LMBR1: variants seen among roughly 807,000 people sequenced by gnomAD.
LMBR1 encodes the protein limb region 1 protein homolog.
Under a neutral mutation model 73.9 loss-of-function variants are expected in LMBR1, and 52 were observed. The observed-to-expected ratio is 0.70, with a 90% CI of 0.56 to 0.89. LMBR1 has a LOEUF of 0.89. LMBR1 is among the 40% of genes least tolerant of loss of function. The pLI, the probability that LMBR1 is intolerant of heterozygous loss-of-function variation, is 0.00. For missense variants in LMBR1, 539 were observed against 579.8 expected (o/e 0.93, Z 0.72); for synonymous variants, 215 against 209.4 (o/e 1.03, Z -0.23).
At position 156,839,269 on chromosome 7, in the gene LMBR1, G is replaced by A. The variant is rs191970733; in HGVS notation, c.67-2384C>T. On this transcript the variant is annotated intron_variant, in intron 1 of 16. Transcript: ENST00000353442. ...TCACCATGTTGGTCAGGCTGGTCTC[G>A]AACTCCTGACCACAGGTGATCCACC... Among the ~76,000 whole-genome samples the A allele has an allele frequency of 2.7e-4, 41 of 151,888 alleles. No homozygotes were observed. In the South Asian group the frequency reaches 6.5e-3, roughly 24 times the overall value.
chr7:156,787,975 C>A (rs1828457995), intron 5 of LMBR1, among the ~76,000 whole-genome samples: 1 of 152,226 alleles, frequency 6.6e-6, no homozygotes, highest in Non-Finnish European at 1.5e-5. Flanking sequence ...CAGTGTTTCA[C>A]CATGTTGCCC....
intron 1 of LMBR1, among the ~76,000 whole-genome samples, chr7:156,847,296 T>G (rs1371667977): frequency 6.6e-6 from 1 of 152,128 alleles, no homozygotes; most frequent in Non-Finnish European, 1.5e-5. Context: ...AAATGGATGA[T>G]GATTACAAAC....
chr7:156,847,016 C>A (rs1433099007), intron 1 of LMBR1, among the ~76,000 whole-genome samples: 3 of 151,958 alleles, frequency 2.0e-5, no homozygotes, highest in African/African-American at 7.3e-5. Flanking sequence ...CTGACACTAC[C>A]CAGTTTCAAA....
chr7:156,833,193 C>G (rs2133885356), intron 3 of LMBR1, among the ~76,000 whole-genome samples: 1 of 152,264 alleles, frequency 6.6e-6, no homozygotes, highest in South Asian at 2.1e-4. Context: ...TAAAAAAATC[C>G]TGGAATACAG....
At chr7:156,870,568 A>C (rs1239973263) in intron 1 of LMBR1, among the ~76,000 whole-genome samples, 5 of 152,122 alleles carry the variant, frequency 3.3e-5, no homozygotes, top group Non-Finnish European at 7.4e-5. Flanking sequence ...GATCGAGACC[A>C]CCCTGGCTAA....
chr7:156,849,195 T>C (rs1398377810), intron 1 of LMBR1, among the ~76,000 whole-genome samples: 3 of 152,294 alleles, frequency 2.0e-5, no homozygotes, highest in Non-Finnish European at 2.9e-5. Context: ...AATGAGATCA[T>C]GTCCTTTGCA....
chr7:156,695,230 C>T (rs770822797), intron 15 of LMBR1, among the ~76,000 whole-genome samples: 3 of 152,158 alleles, frequency 2.0e-5, no homozygotes, highest in Non-Finnish European at 2.9e-5. Context: ...GATCACTTGA[C>T]ATCACGAGGT....
chr7:156,872,595 C>T (rs942014737), intron 1 of LMBR1, among the ~76,000 whole-genome samples: 5 of 151,284 alleles, frequency 3.3e-5, no homozygotes, highest in South Asian at 2.1e-4. Context: ...TGCAGTGAGC[C>T]GAGATCGCAT....
chr7:156,787,153 C>T (rs939008656), intron 5 of LMBR1, among the ~76,000 whole-genome samples: 5 of 152,096 alleles, frequency 3.3e-5, no homozygotes, highest in African/African-American at 4.8e-5. Flanking sequence ...TTTGCCTGAG[C>T]GCTTCTTACT....
In LMBR1 at chr7:156,681,597, G is replaced by A. The variant is rs1429791027; in HGVS notation, c.*2481C>T. Reference sequence around the variant, plus strand: ...TGCAAGTTTTCCCCAAGAAACTCTGGAACCATAGTGCCTAATGCCCTTTAA... The same window carrying A: ...TGCAAGTTTTCCCCAAGAAACTCTGAAACCATAGTGCCTAATGCCCTTTAA... On this transcript the variant is annotated 3_prime_UTR_variant, in exon 17 of 17. Transcript: ENST00000353442. The A allele has an allele frequency of 6.5e-6, 1 of 153,684 alleles. No individual in the cohort carries two copies. Among genetic ancestry groups the A allele is most frequent in the Non-Finnish European group, 1.4e-5 (1 of 69,146 alleles). 9.5% of individuals were successfully genotyped at this position (153,684 alleles called of 1,614,324 possible).
At chr7:156,735,434 T>C (rs1347374705) in intron 9 of LMBR1, among the ~76,000 whole-genome samples, 9 of 151,992 alleles carry the variant, frequency 5.9e-5, no homozygotes, top group Non-Finnish European at 1.0e-4. Context: ...TCTGCTTGTT[T>C]CTCTAATGGT....
intron 4 of LMBR1, among the ~76,000 whole-genome samples, chr7:156,671,379 G>T (rs1341273178): frequency 6.6e-6 from 1 of 152,118 alleles, no homozygotes; most frequent in Non-Finnish European, 1.5e-5. Context: ...ATACACATAA[G>T]CTCTTTACAG....
intron 4 of LMBR1, among the ~76,000 whole-genome samples, chr7:156,808,148 T>A (rs1832464889): frequency 6.6e-6 from 1 of 152,172 alleles, no homozygotes; most frequent in African/African-American, 2.4e-5. Flanking sequence ...ATTATTCAAA[T>A]CTTCTATATC....
chr7:156,881,699 A>G (rs927341499), intron 1 of LMBR1, among the ~76,000 whole-genome samples: 3 of 152,342 alleles, frequency 2.0e-5, no homozygotes, highest in African/African-American at 7.2e-5. Flanking sequence ...AAAGACATAC[A>G]AACAGCCAAC....
At chr7:156,888,337 G>A (rs961429042) in intron 1 of LMBR1, among the ~76,000 whole-genome samples, 1 of 151,724 alleles carries the variant, frequency 6.6e-6, no homozygotes, top group Non-Finnish European at 1.5e-5. Context: ...ATGAACCGGG[G>A]GGGCGGAGCT....
At chr7:156,690,135 C>T (rs1315791376) in intron 15 of LMBR1, among the ~76,000 whole-genome samples, 2 of 152,206 alleles carry the variant, frequency 1.3e-5, no homozygotes, top group African/African-American at 2.4e-5. Flanking sequence ...ACCAGTCTTA[C>T]CTGCTCTTGA....
At chr7:156,892,016 T>C (rs1435429915) in intron 1 of LMBR1, among the ~76,000 whole-genome samples, 1 of 152,184 alleles carries the variant, frequency 6.6e-6, no homozygotes, top group African/African-American at 2.4e-5. Flanking sequence ...AATTGACATA[T>C]TTTACAACAG....
intron 1 of LMBR1, among the ~76,000 whole-genome samples, chr7:156,850,438 A>G (rs886642833): frequency 1.5e-4 from 23 of 152,172 alleles, no homozygotes; most frequent in Non-Finnish European, 3.4e-4. Flanking sequence ...TCAATGTCCT[A>G]TATTCCTCCC....
intron 1 of LMBR1, among the ~76,000 whole-genome samples, chr7:156,860,104 C>T (rs942603932): frequency 2.6e-5 from 4 of 152,196 alleles, no homozygotes; most frequent in African/African-American, 9.7e-5. Context: ...GACATAGACC[C>T]TATGGCGTTC....
Sources: gnomAD v4.1 joint callset for allele counts (sites outside exome capture counted in the v4.1 genomes callset) on GRCh38, gnomAD v4.1.1 for gene constraint, MANE v1.5 for transcripts, NCBI Gene and HGNC (gene_info 2026-07-23, HGNC 2026-07-21) for gene names.